The following BIRC2 variants were observed in gnomAD, a reference collection of about 807,000 sequenced individuals.
The protein encoded by BIRC2 is baculoviral IAP repeat-containing protein 2.
BIRC2 carries 18 observed loss-of-function variants against 60.9 expected under a neutral mutation model. The ratio of observed to expected loss-of-function variants is 0.30; its 90% CI spans 0.20 to 0.44. The LOEUF (loss-of-function observed/expected upper bound fraction) is 0.44, where lower values mean the gene tolerates loss of function less well. Ranked by LOEUF, BIRC2 falls within the 20% of genes least tolerant of loss-of-function variation. The pLI is 1.00. For missense variants in BIRC2, 701 were observed against 728.5 expected (o/e 0.96, Z 0.43); for synonymous variants, 282 against 247.7 (o/e 1.14, Z -1.30).
At chr11:102,376,557 A>G (rs1350835671) in intron 6 of BIRC2, among the ~76,000 whole-genome samples, 7 of 152,182 alleles carry the variant, frequency 4.6e-5, no homozygotes, top group African/African-American at 1.7e-4. Context: ...TGAAAGTCTG[A>G]AAATAGACAA....
chr11:102,372,504 T>A (rs928794206), intron 6 of BIRC2, among the ~76,000 whole-genome samples: 1 of 152,190 alleles, frequency 6.6e-6, no homozygotes, highest in Middle Eastern at 3.2e-3. Flanking sequence ...TCCTGAGTTC[T>A]AGTTTGATTG....
intron 6 of BIRC2, among the ~76,000 whole-genome samples, chr11:102,374,254 G>A (rs1951673040): frequency 6.6e-6 from 1 of 151,348 alleles, no homozygotes; most frequent in Non-Finnish European, 1.5e-5. Flanking sequence ...CTGCGTTTTA[G>A]AGTTTCCAGC....
intron 3 of BIRC2, among the ~76,000 whole-genome samples, chr11:102,352,977 T>TA (rs1339844094): frequency 6.6e-6 from 1 of 152,136 alleles, no homozygotes; most frequent in Non-Finnish European, 1.5e-5. Flanking sequence ...TTAAAGTTAT[T>TA]AATATTAATA....
intron 3 of BIRC2, among the ~76,000 whole-genome samples, chr11:102,358,163 C>T (rs765170539): frequency 7.9e-5 from 12 of 152,118 alleles, no homozygotes; most frequent in Admixed American, 1.3e-4. Flanking sequence ...GCATGATCTA[C>T]GCTGGATAAT....
rs754202179 is a variant in BIRC2 at position 102,350,589 on chromosome 11, C to T, written c.735C>T (p.Pro245=). 6.8e-6 allele frequency: 11 copies of T among 1,614,134 alleles called. No individual in the cohort carries two copies. The highest frequency in any genetic ancestry group is 9.3e-6 in the Non-Finnish European group (11 of 1,180,014). ...TGTCAGAACACCGGAGGCATTTTCC[C>T]AACTGTCCATTTTTGGAAAATTCTC... The part of the protein sequence containing the change: ...DAMSEHRRHF[P]NCPFLENSLE... The change falls in exon 2 of 9, where the codon CCC becomes CCT. Residue 245 remains proline, a synonymous_variant. Coordinates refer to ENST00000227758, the MANE Select transcript of BIRC2 (RefSeq NM_001166.5).
chr11:102,374,938 G>A (rs970423363), intron 6 of BIRC2, among the ~76,000 whole-genome samples: 2 of 152,292 alleles, frequency 1.3e-5, no homozygotes, highest in East Asian at 3.9e-4. Flanking sequence ...TTCCAGGTGC[G>A]TCCGTTACCC....
At chr11:102,374,661 G>T (rs1367505688) in intron 6 of BIRC2, among the ~76,000 whole-genome samples, 1 of 152,108 alleles carries the variant, frequency 6.6e-6, no homozygotes, top group Non-Finnish European at 1.5e-5. Context: ...GCCTACAGAG[G>T]CAGGCAGGCC....
At chr11:102,362,418 A>G (rs1296554489) in intron 3 of BIRC2, among the ~76,000 whole-genome samples, 5 of 152,210 alleles carry the variant, frequency 3.3e-5, no homozygotes, top group Non-Finnish European at 5.9e-5. Flanking sequence ...TATATAGATA[A>G]AAATATTTGA....
rs1247185094 is a variant in BIRC2, at chr11:102,374,755, C to A, written c.1367-2741C>A. On this transcript the variant is annotated intron_variant, in intron 6 of 8. Coordinates refer to ENST00000227758, the MANE Select transcript of BIRC2 (RefSeq NM_001166.5). The stretch of plus-strand genomic sequence containing the variant: ...TCAAGCCTGGGCAATGGCGGGCGCC[C>A]CTCCCCCAGCCTCGCTGCTGCCTTG... Among the ~76,000 whole-genome samples the A allele has an allele frequency of 2.7e-3, 411 of 152,326 alleles. 2 individuals are homozygous for A. The highest frequency in any genetic ancestry group is 9.4e-3 in the African/African-American group (393 of 41,588).
At chr11:102,350,969 T>C in intron 3 of BIRC2, 26 bp downstream of exon 3, 3 of 1,603,096 alleles carry the variant, frequency 1.9e-6, no homozygotes, top group Non-Finnish European at 2.6e-6. Flanking sequence ...AAGGTATTTG[T>C]ACAAAAAACT....
chr11:102,369,006 A>G (rs553398536), intron 6 of BIRC2, among the ~76,000 whole-genome samples: 69 of 152,214 alleles, frequency 4.5e-4, no homozygotes, highest in African/African-American at 1.2e-3. Flanking sequence ...AGAACTTACA[A>G]TGAAATTCTG....
chr11:102,377,854 C>T lies in BIRC2; in HGVS notation c.1622-3C>T, dbSNP rs770771339. ...TAATGGTTTTTATGTTTTCTTTCCT[C>T]AGTGGATAAGAATATGAAGTATATT... On this transcript the variant is annotated splice_region_variant and splice_polypyrimidine_tract_variant and intron_variant, in intron 7 of 8. Coordinates refer to ENST00000227758, the MANE Select transcript of BIRC2 (RefSeq NM_001166.5). The T allele has an allele frequency of 2.5e-6, 4 of 1,606,022 alleles. No individual in the cohort carries two copies. In the South Asian group the frequency reaches 4.5e-5, roughly 18 times the overall value.
At chr11:102,367,693 T>A (rs1164558855) in intron 5 of BIRC2, among the ~76,000 whole-genome samples, 1 of 152,256 alleles carries the variant, frequency 6.6e-6, no homozygotes, top group East Asian at 1.9e-4. Flanking sequence ...CACTACTTTT[T>A]TCTTCAGAGC....
intron 6 of BIRC2, among the ~76,000 whole-genome samples, chr11:102,368,871 C>T (rs373368230): frequency 6.6e-6 from 1 of 151,434 alleles, no homozygotes; most frequent in Admixed American, 6.6e-5. Context: ...TTTGAAAAAG[C>T]AAGATGTTAA....
chr11:102,367,221 T>G (rs561011792), intron 5 of BIRC2, among the ~76,000 whole-genome samples: 1 of 152,340 alleles, frequency 6.6e-6, no homozygotes, highest in East Asian at 1.9e-4. Context: ...TTAGTTCGTT[T>G]GTATATTTTT....
chr11:102,374,092 A>G (rs1951669936), intron 6 of BIRC2, among the ~76,000 whole-genome samples: 1 of 145,448 alleles, frequency 6.9e-6, no homozygotes, highest in East Asian at 2.0e-4. Flanking sequence ...AAAGTTTTCA[A>G]CTTCTTTGCC....
rs561911507 is a variant in BIRC2, at chr11:102,357,900, G to A, written c.996-4996G>A. On this transcript the variant is annotated intron_variant, in intron 3 of 8. Coordinates refer to ENST00000227758, the MANE Select transcript of BIRC2 (RefSeq NM_001166.5). ...TGCTATAAACTTTCCTTTTAGAACT[G>A]CATTTGTTCTATACATTTTGCTATG... Among the ~76,000 whole-genome samples the A allele has an allele frequency of 3.3e-5, 5 of 152,004 alleles. No homozygotes were observed. In the South Asian group the frequency reaches 1.0e-3, roughly 32 times the overall value.
chr11:102,376,787 T>C (rs536898804), intron 6 of BIRC2, among the ~76,000 whole-genome samples: 1 of 152,332 alleles, frequency 6.6e-6, no homozygotes, highest in Non-Finnish European at 1.5e-5. Context: ...TGCCAGATGC[T>C]TTACATGTAT....
chr11:102,348,515 T>C (rs1293398195), intron 1 of BIRC2, 83 bp from the exon 2 acceptor site: 1 of 169,840 alleles, frequency 5.9e-6, no homozygotes, highest in Non-Finnish European at 1.3e-5. Flanking sequence ...TCTTAGACTT[T>C]ACTGAATAAA....
Sources: gnomAD v4.1 joint callset for allele counts (sites outside exome capture counted in the v4.1 genomes callset) on GRCh38, gnomAD v4.1.1 for gene constraint, MANE v1.5 for transcripts, NCBI Gene and HGNC (gene_info 2026-07-23, HGNC 2026-07-21) for gene names.